Variants in CFAP47 observed in about 807,000 individuals in gnomAD.
CFAP47 encodes the protein cilia and flagella associated protein 47, also known as cilia- and flagella-associated protein 47.
A neutral mutation model predicts 148.1 loss-of-function variants in CFAP47; 29 were observed. The observed-to-expected ratio is 0.20, with a 90% CI of 0.15 to 0.27. The LOEUF (loss-of-function observed/expected upper bound fraction) is 0.27. Among genes scored for constraint, CFAP47 ranks in the 10% least tolerant of loss-of-function variants. CFAP47 has a pLI of 1.00. For synonymous variants in CFAP47, 664 were observed against 577.3 expected, an observed-to-expected ratio of 1.15 and a Z score of -2.15; for missense variants, 1,872 against 1,697.5, an observed-to-expected ratio of 1.10 and a Z score of -1.81.
intron 60 of CFAP47, among the ~76,000 whole-genome samples, chrX:36,355,769 C>G (rs1180842407): frequency 6.3e-5 from 7 of 111,563 alleles, no homozygotes; most frequent in African/African-American, 2.3e-4. Context: ...TGCATAAGTT[C>G]TAGGGATCTG....
chrX:36,046,513 T>A lies in CFAP47; in HGVS notation c.4008-341T>A, dbSNP rs1179064264. Among the ~76,000 whole-genome samples the A allele has an allele frequency of 3.9e-4, 43 of 111,264 alleles. No homozygotes were observed. In the Admixed American group the frequency reaches 4.1e-3, roughly 11 times the overall value. Reference sequence around the variant, plus strand: ...ATTAAGTTTGTACCTATTAAAGTGATAACTTTTGGTAAATTTTCATCAGAA... The same window carrying A: ...ATTAAGTTTGTACCTATTAAAGTGAAAACTTTTGGTAAATTTTCATCAGAA... On this transcript the variant is annotated intron_variant, in intron 25 of 63. Transcript: ENST00000378653.
chrX:36,171,902 T>C (rs1253566300), intron 39 of CFAP47, among the ~76,000 whole-genome samples: 1 of 109,524 alleles, frequency 9.1e-6, no homozygotes, highest in South Asian at 4.0e-4. Context: ...ATGGCCATTT[T>C]CACGATATTG....
At chrX:35,998,489 A>C (rs781243741) in intron 19 of CFAP47, among the ~76,000 whole-genome samples, 24 of 111,214 alleles carry the variant, frequency 2.2e-4, no homozygotes, top group Non-Finnish European at 4.0e-4. Context: ...TTTTGGGGCT[A>C]TTTGTACTTT....
At position 35,926,161 on chromosome X, in the gene CFAP47, C is replaced by T. The variant is rs182299067; in HGVS notation, c.394C>T (p.Leu132=). Residue 132 remains leucine, a synonymous_variant, in exon 2 of 64, where the codon CTA becomes TTA. Coordinates refer to ENST00000378653, the MANE Select transcript of CFAP47 (RefSeq NM_001304548.2). ...SIENKTTEIP[L]IGLIPSCQLE... ...AGAAAATAAAACAACAGAAATTCCT[C>T]TAATTGGGTATGTAATCTTCATAGT... The T allele has an allele frequency of 3.5e-5, 42 of 1,193,965 alleles. No homozygotes were observed. Among genetic ancestry groups the T allele is most frequent in the Non-Finnish European group, 4.5e-5 (40 of 882,411 alleles).
chrX:36,352,601 G>A (rs1941751490), intron 59 of CFAP47, among the ~76,000 whole-genome samples: 1 of 110,042 alleles, frequency 9.1e-6, no homozygotes, highest in Non-Finnish European at 1.9e-5. Context: ...TATTCAATGT[G>A]TATTTGACTT....
intron 26 of CFAP47, among the ~76,000 whole-genome samples, chrX:36,050,671 G>A (rs1474669111): frequency 8.9e-6 from 1 of 112,330 alleles, no homozygotes; most frequent in African/African-American, 3.2e-5. Flanking sequence ...ATTTTCTGTG[G>A]AGAAGTTCAA....
At chrX:35,997,490 T>C (rs1003723587) in intron 19 of CFAP47, 101 bp downstream of exon 19, 10 of 257,509 alleles carry the variant, frequency 3.9e-5, no homozygotes, top group African/African-American at 2.6e-4. Context: ...TATTTTCCAA[T>C]GTATAATTTT....
In CFAP47 at chrX:36,296,432, A is replaced by C. The variant is rs1046647600; in HGVS notation, c.7687-2545A>C. On this transcript the variant is annotated intron_variant, in intron 51 of 63. Coordinates refer to ENST00000378653, the MANE Select transcript of CFAP47 (RefSeq NM_001304548.2). ...CTAAATTTAATGTGTAGGTCACAAC[A>C]TGTGAGTGGCTCAACATGTGAGTGG... Among the ~76,000 whole-genome samples the C allele has an allele frequency of 8.0e-5, 9 of 112,266 alleles. No individual in the cohort carries two copies. The Admixed American group carries it at 8.5e-4, about 11-fold the overall frequency.
chrX:36,242,543 G>A (rs782462946), intron 48 of CFAP47, among the ~76,000 whole-genome samples: 2 of 112,168 alleles, frequency 1.8e-5, no homozygotes, highest in Admixed American at 9.5e-5. Context: ...GCAAATGGAG[G>A]TATTAACAGC....
At chrX:36,172,849 C>G (rs1182302271) in intron 39 of CFAP47, among the ~76,000 whole-genome samples, 3 of 111,108 alleles carry the variant, frequency 2.7e-5, no homozygotes, top group Non-Finnish European at 3.8e-5. Context: ...TTTTTCTGTT[C>G]ATTGGAATAG....
At chrX:36,384,437 A>G (rs1189040974) in intron 63 of CFAP47, among the ~76,000 whole-genome samples, 1 of 112,297 alleles carries the variant, frequency 8.9e-6, no homozygotes, top group South Asian at 3.7e-4. Context: ...AGTCATTTCT[A>G]TGGTTACACT....
At chrX:36,131,247 A>G (rs1365410965) in intron 33 of CFAP47, among the ~76,000 whole-genome samples, 1 of 111,078 alleles carries the variant, frequency 9.0e-6, no homozygotes, top group Non-Finnish European at 1.9e-5. Flanking sequence ...AGACTATAAC[A>G]AGTGTTGGCA....
chrX:36,359,694 G>T (rs1276271921), intron 60 of CFAP47, among the ~76,000 whole-genome samples: 1 of 111,395 alleles, frequency 9.0e-6, no homozygotes, highest in African/African-American at 3.3e-5. Context: ...TATAAGTCAG[G>T]TCTAGTAGTG....
At chrX:35,968,260 A>G (rs894197383) in intron 10 of CFAP47, among the ~76,000 whole-genome samples, 4 of 110,988 alleles carry the variant, frequency 3.6e-5, no homozygotes, top group Non-Finnish European at 7.6e-5. Flanking sequence ...CATCATCATC[A>G]TCATCCTCCT....
chrX:36,348,393 AT>A, intron 58 of CFAP47, 105 bp downstream of exon 58: 1 of 365,546 alleles, frequency 2.7e-6, no homozygotes, highest in Non-Finnish European at 4.4e-6. Context: ...CAAGCTCATG[AT>A]TTTATATTCT....
chrX:36,182,132 C>T (rs750339020), intron 40 of CFAP47, among the ~76,000 whole-genome samples: 6 of 112,181 alleles, frequency 5.3e-5, no homozygotes, highest in Non-Finnish European at 9.4e-5. Flanking sequence ...AGAGCTCCGA[C>T]AATCAAATCC....
At chrX:35,973,135 A>G (rs998220635) in intron 13 of CFAP47, among the ~76,000 whole-genome samples, 2 of 112,308 alleles carry the variant, frequency 1.8e-5, no homozygotes, top group African/African-American at 6.5e-5. Flanking sequence ...AGAAATGTCT[A>G]TGTATGTCAT....
At chrX:36,218,086 A>C (rs1196346767) in intron 45 of CFAP47, among the ~76,000 whole-genome samples, 1 of 104,215 alleles carries the variant, frequency 9.6e-6, no homozygotes, top group East Asian at 3.0e-4. Context: ...ACTAATTTGC[A>C]CACTTAGTAA....
At chrX:36,147,658 T>C (rs1185314235) in intron 36 of CFAP47, among the ~76,000 whole-genome samples, 4 of 112,459 alleles carry the variant, frequency 3.6e-5, no homozygotes, top group African/African-American at 1.3e-4. Flanking sequence ...TTTGAGAACA[T>C]GAGGCCTCCA....
Sources: allele counts gnomAD v4.1 joint callset (sites outside exome capture counted in the v4.1 genomes callset), GRCh38; gene constraint gnomAD v4.1.1; transcripts MANE v1.5; gene names NCBI Gene and HGNC (gene_info 2026-07-23, HGNC 2026-07-21).